The following UNC13C variants were observed in gnomAD, a reference collection of about 807,000 sequenced individuals.
UNC13C encodes the protein unc-13 homolog C.
UNC13C carries 174 observed loss-of-function variants against 245.4 expected under a neutral mutation model. The ratio of observed to expected loss-of-function variants is 0.71; its 90% CI spans 0.63 to 0.80. The LOEUF is 0.80. Ranked by LOEUF, UNC13C falls within the 30% of genes least tolerant of loss-of-function variation. The pLI is 0.00. For synonymous variants in UNC13C, 992 were observed against 895.1 expected (o/e 1.11, Z -1.93); for missense variants, 2,829 against 2,602.9 (o/e 1.09, Z -1.89).
upstream of UNC13C, among the ~76,000 whole-genome samples, chr15:53,975,572 C>T (rs1412087026): frequency 1.3e-5 from 2 of 152,180 alleles, no homozygotes; most frequent in South Asian, 4.1e-4. Flanking sequence ...TTCAAGGATT[C>T]CTCTATTGCT....
In UNC13C at chr15:54,561,526, C is replaced by T. The variant is rs149646474; in HGVS notation, c.5958+6014C>T. Among the ~76,000 whole-genome samples, 38 of 151,834 alleles carry T rather than the reference C, an allele frequency of 2.5e-4. 1 individual carries two copies. Among genetic ancestry groups the T allele is most frequent in the African/African-American group, 9.2e-4 (38 of 41,420 alleles). ...ACATCAACAGGAAAAAGGAATTTCA[C>T]CAGGGAAAGGCACAAGACAAGAAGG... On this transcript the variant is annotated intron_variant, in intron 29 of 32. Transcript: ENST00000260323.
At chr15:54,175,697 G>C (rs2033591356) in intron 4 of UNC13C, among the ~76,000 whole-genome samples, 1 of 151,926 alleles carries the variant, frequency 6.6e-6, no homozygotes, top group Admixed American at 6.6e-5. Context: ...ATTTTTAATA[G>C]AGACGGGGTT....
At chr15:54,018,849 C>G (rs1895775275) in intron 2 of UNC13C, among the ~76,000 whole-genome samples, 1 of 152,036 alleles carries the variant, frequency 6.6e-6, no homozygotes, top group Non-Finnish European at 1.5e-5. Flanking sequence ...GTGCCTAGAC[C>G]AGTGTTTTAT....
In UNC13C at chr15:54,240,459, T is replaced by C. The variant is rs146111586; in HGVS notation, c.3228+2769T>C. Among the ~76,000 whole-genome samples, 5 of 152,302 alleles carry C rather than the reference T, an allele frequency of 3.3e-5. No homozygotes were observed. In the East Asian group the frequency reaches 9.6e-4, roughly 29 times the overall value. ...TATGTGAAGGGAAATGGCTTGGTGATGTGGAAAATATCAAATGGTACCACT... is the reference window on the plus strand; with the variant it reads ...TATGTGAAGGGAAATGGCTTGGTGACGTGGAAAATATCAAATGGTACCACT... On this transcript the variant is annotated intron_variant, in intron 7 of 32. Transcript: ENST00000260323.
chr15:54,198,908 G>A (rs1595990577), intron 4 of UNC13C, among the ~76,000 whole-genome samples: 3 of 152,142 alleles, frequency 2.0e-5, no homozygotes, highest in South Asian at 4.1e-4. Flanking sequence ...TAATTGTGAA[G>A]AGAAAGGTGA....
At chr15:53,875,019 G>A in the UNC13C span, among the ~76,000 whole-genome samples, 1 of 152,106 alleles carries the variant, frequency 6.6e-6, no homozygotes, top group African/African-American at 2.4e-5. Flanking sequence ...CATGAACCCG[G>A]GAGGTGGAGG....
At chr15:54,046,607 G>T (rs1481763398) in intron 2 of UNC13C, among the ~76,000 whole-genome samples, 1 of 150,700 alleles carries the variant, frequency 6.6e-6, no homozygotes, top group Admixed American at 6.6e-5. Flanking sequence ...TTTTTATATT[G>T]GCTATTAGCC....
At chr15:54,021,628 G>A (rs1382849271) in intron 2 of UNC13C, among the ~76,000 whole-genome samples, 1 of 152,106 alleles carries the variant, frequency 6.6e-6, no homozygotes, top group African/African-American at 2.4e-5. Context: ...TGGCTATTGT[G>A]AATATTGCTG....
chr15:54,288,868 A>G (rs55858902), intron 10 of UNC13C, among the ~76,000 whole-genome samples: 3,797 of 152,142 alleles, frequency 0.025, 82 homozygotes, highest in East Asian at 0.075. Flanking sequence ...GTTCTGATCA[A>G]TTCATCTCCC....
Position 54,090,022 on chromosome 15 carries a change from G to A in UNC13C, c.2984-52996G>A, listed in dbSNP as rs1482827777. On this transcript the variant is annotated intron_variant, in intron 2 of 32. Transcript: ENST00000260323. ...AAGGACTCTGGCACAAACAGCCTGG[G>A]GCTCACATGTGTTTCCTTTGCTGAT... Among the ~76,000 whole-genome samples the A allele has an allele frequency of 2.0e-5, 3 of 152,230 alleles. No individual in the cohort carries two copies. In the East Asian group the frequency reaches 5.8e-4, roughly 29 times the overall value.
In UNC13C at chr15:54,128,312, A is replaced by G. The variant is rs1191848813; in HGVS notation, c.2984-14706A>G. 6.6e-5 allele frequency among the ~76,000 whole-genome samples: 10 copies of G among 152,258 alleles called. No homozygotes were observed. In the East Asian group the frequency reaches 1.9e-3, roughly 29 times the overall value. On this transcript the variant is annotated intron_variant, in intron 2 of 32. Transcript: ENST00000260323. The stretch of plus-strand genomic sequence containing the variant: ...CTATGCTCACAGATTGGAAGAATTA[A>G]TATCATACGAATATTTATTTTTATA...
At chr15:54,573,338 A>G (rs1897835903) in intron 30 of UNC13C, among the ~76,000 whole-genome samples, 1 of 152,230 alleles carries the variant, frequency 6.6e-6, no homozygotes, top group Admixed American at 6.5e-5. Flanking sequence ...ATCCCATTAG[A>G]AATTTATGAG....
At chr15:54,055,071 A>G (rs995756898) in intron 2 of UNC13C, among the ~76,000 whole-genome samples, 6 of 152,192 alleles carry the variant, frequency 3.9e-5, no homozygotes, top group South Asian at 4.1e-4. Flanking sequence ...GTCAAGCTTG[A>G]TCATGCTGCT....
chr15:54,525,702 C>T lies in UNC13C; in HGVS notation c.5546+65C>T, dbSNP rs1895420096. The stretch of plus-strand genomic sequence containing the variant: ...AGGTGTCAGTTCATGATATTCTTGC[C>T]TTCAATGCTGTTTCCTCTGACTGAC... On this transcript the variant is annotated intron_variant, in intron 25 of 32. Transcript: ENST00000260323. 1.6e-5 allele frequency: 21 copies of T among 1,334,060 alleles called. No individual in the cohort carries two copies. The South Asian group carries it at 2.3e-4, about 14-fold the overall frequency. The allele number at this position is 1,334,060 out of a possible 1,614,324, so 82.6% of individuals were successfully genotyped here. A position where few individuals can be genotyped will look rare whatever the true frequency, so the allele number is the denominator to read the frequency against.
At chr15:53,877,913 A>G in the UNC13C span, among the ~76,000 whole-genome samples, 2 of 152,332 alleles carry the variant, frequency 1.3e-5, no homozygotes, top group East Asian at 3.9e-4. Context: ...TGAGCTTCAT[A>G]TAAATGGAAT....
At position 54,098,364 on chromosome 15, in the gene UNC13C, G is replaced by A. The variant is rs552927121; in HGVS notation, c.2984-44654G>A. Among the ~76,000 whole-genome samples, 55 of 152,084 alleles carry A rather than the reference G, an allele frequency of 3.6e-4. 1 individual carries two copies. Among genetic ancestry groups the A allele is most frequent in the Admixed American group, 3.5e-3 (53 of 15,276 alleles). On this transcript the variant is annotated intron_variant, in intron 2 of 32. Transcript: ENST00000260323. ...TAATTTTTGTATTTTTAGTAGAGAC[G>A]AGGTTTCACCATGTTGGCCAGGCTG...
At chr15:54,028,781 C>G (rs1034361980) in intron 2 of UNC13C, among the ~76,000 whole-genome samples, 1 of 149,764 alleles carries the variant, frequency 6.7e-6, no homozygotes, top group Non-Finnish European at 1.5e-5. Context: ...AGCTCCACCT[C>G]CCGGGTTCAC....
intron 24 of UNC13C, among the ~76,000 whole-genome samples, chr15:54,517,155 C>T (rs1054235584): frequency 2.6e-5 from 4 of 151,976 alleles, no homozygotes; most frequent in African/African-American, 9.7e-5. Context: ...CTCACCTTTT[C>T]TTCTTAATAT....
At chr15:54,507,094 G>T (rs773439258) in intron 22 of UNC13C, 23 bp from the exon 23 acceptor site, 1 of 1,535,246 alleles carries the variant, frequency 6.5e-7, no homozygotes, top group Non-Finnish European at 8.9e-7. Context: ...CCTGGGTAAA[G>T]TTCACAATGT....
Sources: gnomAD v4.1 joint callset for allele counts (sites outside exome capture counted in the v4.1 genomes callset) on GRCh38, gnomAD v4.1.1 for gene constraint, MANE v1.5 for transcripts, NCBI Gene and HGNC (gene_info 2026-07-23, HGNC 2026-07-21) for gene names.